NHSL1: variants seen among roughly 807,000 people sequenced by gnomAD.
The protein encoded by NHSL1 is NHS-like protein 1.
A neutral mutation model predicts 95.0 loss-of-function variants in NHSL1; 48 were observed. The observed-to-expected ratio is 0.51, with a 90% confidence interval of 0.40 to 0.64. The LOEUF (loss-of-function observed/expected upper bound fraction) is 0.64. Among genes scored for constraint, NHSL1 ranks in the 30% least tolerant of loss-of-function variants. The pLI is 0.00. For synonymous variants in NHSL1, 783 were observed against 833.9 expected, an observed-to-expected ratio of 0.94 and a Z score of 1.05; for missense variants, 1,971 against 2,077.7, an observed-to-expected ratio of 0.95 and a Z score of 1.00.
At chr6:138,607,676 C>G (rs1166755163) in intron 1 of NHSL1, among the ~76,000 whole-genome samples, 1 of 152,178 alleles carries the variant, frequency 6.6e-6, no homozygotes, top group Non-Finnish European at 1.5e-5. Context: ...CTCATACATG[C>G]AAGGACCGCC....
At chr6:138,545,388 C>T (rs1301353877) in intron 1 of NHSL1, among the ~76,000 whole-genome samples, 1 of 152,176 alleles carries the variant, frequency 6.6e-6, no homozygotes, top group Non-Finnish European at 1.5e-5. Context: ...ACACAAAACA[C>T]ATTCAAACAC....
rs182648208 is a variant in NHSL1 at position 138,424,254 on chromosome 6, A to G, written c.4648T>C (p.Cys1550Arg). Residue 1550 changes from cysteine (C) to arginine (R), a missense_variant, in exon 8 of 8, where the codon TGT becomes CGT. Coordinates refer to ENST00000343505, the MANE Select transcript of NHSL1 (RefSeq NM_001144060.2). The surrounding 1 kb of genome is among the most constrained non-coding windows in gnomAD (Gnocchi z 5.9). ...ARGALGAAEG[C>R]SLDGLAREEM... ...TCCCTCGCCAGTCCGTCCAGGGAAC[A>G]TCCCTCCGCAGCGCCCAGAGCCCCG... 1.5e-5 allele frequency: 23 copies of G among 1,503,128 alleles called. No homozygotes were observed. The African/African-American group carries it at 3.2e-4, about 21-fold the overall frequency. The allele number at this position is 1,503,128 out of a possible 1,614,324, so 93.1% of individuals were successfully genotyped here.
chr6:138,631,406 C>G (rs1430639432), intron 1 of NHSL1, among the ~76,000 whole-genome samples: 2 of 152,174 alleles, frequency 1.3e-5, no homozygotes, highest in African/African-American at 4.8e-5. Context: ...TGGCATTACC[C>G]TTCCCCTAAT....
At chr6:138,522,334 C>G (rs975424046) in intron 1 of NHSL1, among the ~76,000 whole-genome samples, 10 of 152,170 alleles carry the variant, frequency 6.6e-5, no homozygotes, top group South Asian at 2.1e-4. Flanking sequence ...ATAGCAAAAC[C>G]CGTATCTACA....
At chr6:138,625,154 CTTTTT>C (rs960120093) in intron 1 of NHSL1, among the ~76,000 whole-genome samples, 12 of 151,814 alleles carry the variant, frequency 7.9e-5, no homozygotes, top group African/African-American at 2.9e-4. Flanking sequence ...TTTTGCTTTG[CTTTTT>C]TTGAGACAGG....
chr6:138,558,568 A>G lies in NHSL1; in HGVS notation c.202+13142T>C, dbSNP rs186479815. On this transcript the variant is annotated intron_variant, in intron 1 of 6. Coordinates refer to the NHSL1 transcript ENST00000427025. ...CCTCCTGAGTAGCTGGGACTACAGG[A>G]GCACACCACCATGCCCAGCTAATTT... is the stretch of plus-strand genomic sequence containing the variant. Among the ~76,000 whole-genome samples the G allele has an allele frequency of 1.5e-3, 231 of 151,466 alleles. 3 individuals are homozygous for G. Among genetic ancestry groups the G allele is most frequent in the African/African-American group, 5.3e-3 (219 of 41,266 alleles).
chr6:138,663,779 G>A (rs1785260597), intron 1 of NHSL1, among the ~76,000 whole-genome samples: 1 of 152,020 alleles, frequency 6.6e-6, no homozygotes, highest in Admixed American at 6.6e-5. Flanking sequence ...GTCAAAGCAG[G>A]AAAATTGCTT....
intron 1 of NHSL1, chr6:138,650,271 G>A (rs998414429): frequency 6.1e-6 from 4 of 657,502 alleles, no homozygotes; most frequent in Admixed American, 5.7e-5. Context: ...AAGCAGGCTG[G>A]AGCCTTGGAA....
At chr6:138,570,897 G>A (rs1458121481) in intron 1 of NHSL1, among the ~76,000 whole-genome samples, 1 of 152,148 alleles carries the variant, frequency 6.6e-6, no homozygotes, top group Non-Finnish European at 1.5e-5. Context: ...TTTGCCCACT[G>A]CACCGAATGG....
intron 1 of NHSL1, among the ~76,000 whole-genome samples, chr6:138,530,447 G>A (rs79152871): frequency 6.6e-6 from 1 of 152,146 alleles, no homozygotes; most frequent in African/African-American, 2.4e-5. Context: ...AAGGAAAAGA[G>A]GTCATTATAT....
intron 1 of NHSL1, among the ~76,000 whole-genome samples, chr6:138,682,606 C>T (rs1163791522): frequency 1.3e-5 from 2 of 150,832 alleles, no homozygotes; most frequent in Admixed American, 6.6e-5. Context: ...CACCACTTAG[C>T]ACTAACAGAA....
At chr6:138,682,777 G>GGCT (rs988308377) in intron 1 of NHSL1, among the ~76,000 whole-genome samples, 10 of 152,128 alleles carry the variant, frequency 6.6e-5, no homozygotes, top group African/African-American at 1.2e-4. Flanking sequence ...GGCCTCACCC[G>GGCT]GCTGCGCTGA....
At chr6:138,473,163 T>C in intron 3 of NHSL1, 143 bp downstream of exon 3, 1 of 694,744 alleles carries the variant, frequency 1.4e-6, no homozygotes, top group East Asian at 3.4e-5. Flanking sequence ...TTATGGCGCA[T>C]TTGTCAAAAC....
At chr6:138,690,251 T>C (rs1785646338) in intron 1 of NHSL1, among the ~76,000 whole-genome samples, 1 of 152,228 alleles carries the variant, frequency 6.6e-6, no homozygotes, top group African/African-American at 2.4e-5. Context: ...GTTTGAGGCA[T>C]TGTTTTAAAA....
intron 1 of NHSL1, among the ~76,000 whole-genome samples, chr6:138,577,921 C>T (rs144591298): frequency 6.6e-6 from 1 of 152,292 alleles, no homozygotes; most frequent in African/African-American, 2.4e-5. Context: ...ACATTAAATC[C>T]TTCTTCCTTT....
At chr6:138,627,910 T>G (rs1037851592) in intron 1 of NHSL1, among the ~76,000 whole-genome samples, 1 of 151,864 alleles carries the variant, frequency 6.6e-6, no homozygotes, top group Non-Finnish European at 1.5e-5. Flanking sequence ...TTTAAAAAAT[T>G]TATTTATATG....
chr6:138,486,945 G>T (rs1779765503), intron 2 of NHSL1, among the ~76,000 whole-genome samples: 1 of 152,236 alleles, frequency 6.6e-6, no homozygotes, highest in Non-Finnish European at 1.5e-5. Flanking sequence ...AGGAAAGGTT[G>T]TGGGGGACTC....
intron 1 of NHSL1, among the ~76,000 whole-genome samples, chr6:138,595,483 G>A (rs1784291532): frequency 6.6e-6 from 1 of 152,182 alleles, no homozygotes; most frequent in South Asian, 2.1e-4. Context: ...GGCCAAGGTG[G>A]GAGGATCACT....
rs1378742857 is a variant in NHSL1, at chr6:138,552,480, C to CT, written c.202+19229dup. ...GAGCCAGTTCTTGAGGTTATTTCAA[C>CT]TTTTTTTTCCTTCATAGCCAAGCCT... is the stretch of plus-strand genomic sequence containing the variant. On this transcript the variant is annotated intron_variant, in intron 1 of 6. Coordinates refer to the NHSL1 transcript ENST00000427025. 3.3e-5 allele frequency among the ~76,000 whole-genome samples: 5 copies of CT among 152,056 alleles called. 1 individual carries two copies. The highest frequency in any genetic ancestry group is 9.6e-5 in the African/African-American group (4 of 41,496).
Sources: gnomAD v4.1 joint callset for allele counts (sites outside exome capture counted in the v4.1 genomes callset) on GRCh38, gnomAD v4.1.1 for gene constraint, Gnocchi (gnomAD v3.1) non-coding constraint, MANE v1.5 for transcripts, NCBI Gene and HGNC (gene_info 2026-07-23, HGNC 2026-07-21) for gene names.